MYLIP: variants seen among roughly 807,000 people sequenced by gnomAD.
MYLIP encodes the protein myosin regulatory light chain interacting protein.
Under a neutral mutation model 45.8 loss-of-function variants are expected in MYLIP, and 26 were observed. The observed-to-expected ratio is 0.57, with a 90% CI of 0.42 to 0.79. The LOEUF is 0.79. Among genes scored for constraint, MYLIP ranks in the 30% least tolerant of loss-of-function variants. MYLIP has a pLI of 0.00. For synonymous variants in MYLIP, 213 were observed against 218.1 expected, an observed-to-expected ratio of 0.98 and a Z score of 0.21; for missense variants, 494 against 555.6, an observed-to-expected ratio of 0.89 and a Z score of 1.11.
chr6:16,152,398 A>T (rs1759889221), downstream of MYLIP, among the ~76,000 whole-genome samples: 1 of 152,212 alleles, frequency 6.6e-6, no homozygotes, highest in African/African-American at 2.4e-5. Flanking sequence ...ATTGGCCCCC[A>T]GGAAGCACTG....
At chr6:16,156,068 C>T in the MYLIP span, among the ~76,000 whole-genome samples, 13 of 152,266 alleles carry the variant, frequency 8.5e-5, no homozygotes, top group East Asian at 2.1e-3. Flanking sequence ...GCTTTCAAGC[C>T]GTCCCTCTGA....
chr6:16,131,493 G>T (rs1458868280), intron 2 of MYLIP, among the ~76,000 whole-genome samples: 1 of 152,138 alleles, frequency 6.6e-6, no homozygotes, highest in Non-Finnish European at 1.5e-5. Flanking sequence ...TGATTCTCAA[G>T]AATGAGCCAA....
At position 16,145,238 on chromosome 6, in the gene MYLIP, G is replaced by A. The variant is rs527629616; in HGVS notation, c.1169G>A (p.Cys390Tyr). Residue 390 changes from cysteine (C) to tyrosine (Y), a missense_variant, in exon 6 of 7, where the codon TGC (cysteine) becomes TAC (tyrosine). Physicochemically the swap from Cys to Tyr is radical, Grantham distance 194. Transcript: ENST00000356840. ...KLKEAMLCMV[C>Y]CEEEINSTFC... Reference sequence around the variant, plus strand: ...AAGGAAGCCATGCTGTGCATGGTGTGCTGCGAGGAGGAGATCAACTCCACC... The same window carrying A: ...AAGGAAGCCATGCTGTGCATGGTGTACTGCGAGGAGGAGATCAACTCCACC... 6.2e-7 allele frequency: 1 copy of A among 1,613,934 alleles called. No individual in the cohort carries two copies. Among genetic ancestry groups the A allele is most frequent in the South Asian group, 1.1e-5 (1 of 91,072 alleles).
intron 2 of MYLIP, among the ~76,000 whole-genome samples, chr6:16,136,070 C>T (rs1759550340): frequency 6.6e-6 from 1 of 152,018 alleles, no homozygotes; most frequent in South Asian, 2.1e-4. Context: ...TCAATGTTTG[C>T]AGTTTTTTCT....
chr6:16,130,764 T>C lies in MYLIP; in HGVS notation c.278+17T>C. On this transcript the variant is annotated intron_variant, in intron 2 of 6. Transcript: ENST00000356840. ...GCAGACTAGGTAAAGTGAGCTAAAA[T>C]AAACCAATGTCAAATTGACCTTTGG... The C allele has an allele frequency of 1.2e-6, 2 of 1,605,484 alleles. No individual in the cohort carries two copies. Among genetic ancestry groups the C allele is most frequent in the Non-Finnish European group, 1.7e-6 (2 of 1,174,758 alleles).
intron 5 of MYLIP, among the ~76,000 whole-genome samples, chr6:16,144,182 G>A (rs1007551019): frequency 2.6e-5 from 4 of 151,994 alleles, no homozygotes; most frequent in African/African-American, 9.7e-5. Flanking sequence ...CAACCCTAAG[G>A]GGTTATTATT....
chr6:16,138,965 G>A (rs751575762), intron 2 of MYLIP, among the ~76,000 whole-genome samples: 1 of 152,152 alleles, frequency 6.6e-6, no homozygotes, highest in Non-Finnish European at 1.5e-5. Context: ...CCTGCCACCT[G>A]TTTACATTCT....
In MYLIP at chr6:16,145,106, C is replaced by G. The variant is rs1218176116; in HGVS notation, c.1037C>G (p.Pro346Arg). The change falls in exon 6 of 7, where the codon CCT becomes CGT. Residue 346 changes from proline to arginine, a missense_variant. By Grantham distance (103) the Pro-to-Arg change is moderately radical. Transcript: ENST00000356840. ...VDLVSRNNQS[P>R]SHSPLKSSES... ...CTCGTTTCAAGAAACAACCAGAGCC[C>G]TTCACACTCGCCTCTGAAGTCCTCA... The G allele has an allele frequency of 6.2e-7, 1 of 1,614,228 alleles. No homozygotes were observed. Among genetic ancestry groups the G allele is most frequent in the South Asian group, 1.1e-5 (1 of 91,082 alleles).
chr6:16,149,008 A>C (rs1181273808), downstream of MYLIP, among the ~76,000 whole-genome samples: 3 of 152,204 alleles, frequency 2.0e-5, no homozygotes, highest in African/African-American at 7.2e-5. Context: ...CTAGGAATTA[A>C]CTAATTTGTT....
In MYLIP at chr6:16,130,672, G is replaced by C. The variant is rs750043397; in HGVS notation, c.203G>C (p.Gly68Ala). The stretch of plus-strand genomic sequence containing the variant: ...AACCGGATCTCCCAGCAGATGGATG[G>C]GCTAGCCCCTTACAGGCTTAAACTT... ...LRNRISQQMD[G>A]LAPYRLKLRV... Residue 68 changes from glycine (G) to alanine (A), a missense_variant, in exon 2 of 7, where the codon GGG (glycine) becomes GCG (alanine). Coordinates refer to ENST00000356840, the MANE Select transcript of MYLIP (RefSeq NM_013262.4). The C allele has an allele frequency of 3.7e-6, 6 of 1,614,168 alleles. No homozygotes were observed. The Admixed American group carries it at 1.0e-4, about 27-fold the overall frequency.
At position 16,129,459 on chromosome 6, in the gene MYLIP, G is replaced by T; in HGVS notation, c.87+50G>T. ...CCCCGGCGGGTCCCGCGAGGCCGAG[G>T]GGCCTCGCAGCGACGCCTGGCACTC... On this transcript the variant is annotated intron_variant, in intron 1 of 6. Transcript: ENST00000356840. The surrounding 1 kb of genome is among the most constrained non-coding windows in gnomAD (Gnocchi z 5.1). The T allele has an allele frequency of 2.0e-6, 3 of 1,522,488 alleles. No individual in the cohort carries two copies. In the South Asian group the frequency reaches 3.6e-5, roughly 18 times the overall value. 94.3% of individuals were successfully genotyped at this position (1,522,488 alleles called of 1,614,324 possible).
In MYLIP at chr6:16,129,703, C is replaced by A. The variant is rs1396291658; in HGVS notation, c.87+294C>A. ...CATCATCCCCCCAACCCAGCACTTTCCCGGAAGAAGGCGGCTCCGCACACC... is the reference window on the plus strand; with the variant it reads ...CATCATCCCCCCAACCCAGCACTTTACCGGAAGAAGGCGGCTCCGCACACC... On this transcript the variant is annotated intron_variant, in intron 1 of 6. Coordinates refer to ENST00000356840, the MANE Select transcript of MYLIP (RefSeq NM_013262.4). The surrounding 1 kb of genome is among the most constrained non-coding windows in gnomAD (Gnocchi z 5.1). Among the ~76,000 whole-genome samples, 1 of 152,216 alleles carries A rather than the reference C, an allele frequency of 6.6e-6. No individual in the cohort carries two copies. Among genetic ancestry groups the A allele is most frequent in the Non-Finnish European group, 1.5e-5 (1 of 68,026 alleles).
At chr6:16,149,146 C>A (rs544026160), downstream of MYLIP, among the ~76,000 whole-genome samples, 1 of 152,104 alleles carries the variant, frequency 6.6e-6, no homozygotes, top group Non-Finnish European at 1.5e-5. Flanking sequence ...TGTCTCTGCG[C>A]GGAAGTTAGA....
chr6:16,141,912 T>G (rs781470477), intron 3 of MYLIP, 102 bp downstream of exon 3: 2 of 1,131,712 alleles, frequency 1.8e-6, no homozygotes, highest in Non-Finnish European at 2.4e-6. Flanking sequence ...TGCAGTTTTA[T>G]GTACATTTTT....
At chr6:16,149,532 G>A (rs535456184), downstream of MYLIP, among the ~76,000 whole-genome samples, 11 of 152,340 alleles carry the variant, frequency 7.2e-5, no homozygotes, top group East Asian at 7.7e-4. Flanking sequence ...TGGCCCACCC[G>A]CTGCATGTCA....
At chr6:16,136,254 C>T (rs370211572) in intron 2 of MYLIP, among the ~76,000 whole-genome samples, 199 of 151,796 alleles carry the variant, frequency 1.3e-3, no homozygotes, top group African/African-American at 4.3e-3. Flanking sequence ...CCCCACCCAC[C>T]GCACACCACA....
At chr6:16,143,947 T>C (rs759282321) in intron 5 of MYLIP, 84 bp downstream of exon 5, 1 of 1,466,022 alleles carries the variant, frequency 6.8e-7, no homozygotes, top group Non-Finnish European at 9.3e-7. Flanking sequence ...GTTCCTTGGA[T>C]TGTTGTGTCA....
intron 3 of MYLIP, among the ~76,000 whole-genome samples, chr6:16,142,605 G>A (rs1480381701): frequency 6.6e-6 from 1 of 152,210 alleles, no homozygotes; most frequent in East Asian, 1.9e-4. Flanking sequence ...CTCGACTGAG[G>A]GTGGCCTCCA....
rs1759801310 is a variant in MYLIP at position 16,146,791 on chromosome 6, C to A, written c.*40C>A. 2 of 1,467,618 alleles carry A rather than the reference C, an allele frequency of 1.4e-6. No homozygotes were observed. Among genetic ancestry groups the A allele is most frequent in the Admixed American group, 1.8e-5 (1 of 54,098 alleles). The allele number at this position is 1,467,618 out of a possible 1,614,324, so 90.9% of individuals were successfully genotyped here. ...GTTGGACTTGGCATGTTTCCATGAA[C>A]TGCACTATTATAAACTATTAAAATG... On this transcript the variant is annotated 3_prime_UTR_variant, in exon 7 of 7. Transcript: ENST00000356840.
Sources: allele counts gnomAD v4.1 joint callset (sites outside exome capture counted in the v4.1 genomes callset), GRCh38; gene constraint gnomAD v4.1.1; non-coding constraint Gnocchi (gnomAD v3.1); transcripts MANE v1.5; gene names NCBI Gene and HGNC (gene_info 2026-07-23, HGNC 2026-07-21).